The following GALNT13 variants were observed in gnomAD, a reference collection of about 807,000 sequenced individuals.
GALNT13 encodes UDP-GalNAc:polypeptide N-acetylgalactosaminyltransferase 13.
GALNT13 carries 28 observed loss-of-function variants against 64.2 expected under a neutral mutation model. That is an observed-to-expected ratio of 0.44 (90% CI 0.32 to 0.60). The LOEUF is 0.60. Ranked by LOEUF, GALNT13 falls within the 20% of genes least tolerant of loss-of-function variation. GALNT13 has a pLI of 0.05. For synonymous variants in GALNT13, 214 were observed against 224.6 expected, an observed-to-expected ratio of 0.95 and a Z score of 0.42; for missense variants, 577 against 669.8, an observed-to-expected ratio of 0.86 and a Z score of 1.53.
the GALNT13 span, among the ~76,000 whole-genome samples, chr2:153,599,686 C>G: frequency 2.6e-5 from 4 of 152,034 alleles, no homozygotes; most frequent in Admixed American, 6.6e-5. Flanking sequence ...CAAGAGACAC[C>G]TGGATATAAT....
At chr2:153,379,977 G>T in the GALNT13 span, among the ~76,000 whole-genome samples, 2 of 152,238 alleles carry the variant, frequency 1.3e-5, no homozygotes, top group South Asian at 2.1e-4. Context: ...TGTCCTGGAA[G>T]ATTGGAAAGT....
intron 4 of GALNT13, among the ~76,000 whole-genome samples, chr2:154,174,261 A>G (rs559651017): frequency 1.3e-5 from 2 of 152,254 alleles, no homozygotes; most frequent in African/African-American, 2.4e-5. Context: ...TGCTTAATCA[A>G]ATACTGGTAT....
At chr2:154,116,256 C>A (rs1364092962) in intron 3 of GALNT13, among the ~76,000 whole-genome samples, 1 of 152,162 alleles carries the variant, frequency 6.6e-6, no homozygotes, top group East Asian at 1.9e-4. Context: ...AGGGTCCTCC[C>A]ACACATCCTC....
intron 9 of GALNT13, among the ~76,000 whole-genome samples, chr2:154,379,610 TTAA>T (rs1244366370): frequency 6.6e-6 from 1 of 152,072 alleles, no homozygotes; most frequent in East Asian, 1.9e-4. Flanking sequence ...TACTGATGTT[TTAA>T]TAATTAATGA....
the GALNT13 span, among the ~76,000 whole-genome samples, chr2:153,205,328 A>G: frequency 6.6e-6 from 1 of 151,986 alleles, no homozygotes; most frequent in African/African-American, 2.4e-5. Context: ...GTTTTATCAC[A>G]ATGACATTTT....
the GALNT13 span, among the ~76,000 whole-genome samples, chr2:153,731,254 A>G: frequency 6.6e-6 from 1 of 152,038 alleles, no homozygotes; most frequent in South Asian, 2.1e-4. Context: ...AATAACTCAG[A>G]AAATCAAATA....
chr2:154,017,412 C>T (rs951785765), intron 3 of GALNT13, among the ~76,000 whole-genome samples: 3 of 152,098 alleles, frequency 2.0e-5, no homozygotes, highest in Non-Finnish European at 2.9e-5. Context: ...CCACTCTCTT[C>T]CTAAATAATT....
chr2:153,589,469 A>G, the GALNT13 span, among the ~76,000 whole-genome samples: 1 of 152,078 alleles, frequency 6.6e-6, no homozygotes, highest in Admixed American at 6.5e-5. Flanking sequence ...CCCAGTTCCA[A>G]TGTTGCTTCC....
At chr2:153,956,458 T>C (rs1692576302) in intron 3 of GALNT13, among the ~76,000 whole-genome samples, 1 of 152,218 alleles carries the variant, frequency 6.6e-6, no homozygotes, top group South Asian at 2.1e-4. Context: ...TTTTCAAGAC[T>C]TATGCAGATC....
At chr2:153,831,715 C>T in the GALNT13 span, among the ~76,000 whole-genome samples, 1 of 152,144 alleles carries the variant, frequency 6.6e-6, no homozygotes, top group African/African-American at 2.4e-5. Context: ...CTCTGTGTTT[C>T]TACAGTTCTC....
intron 10 of GALNT13, among the ~76,000 whole-genome samples, chr2:154,398,699 T>G (rs149473666): frequency 6.6e-6 from 1 of 152,306 alleles, no homozygotes; most frequent in African/African-American, 2.4e-5. Flanking sequence ...TGAGTGGCAT[T>G]AAGTATCCTC....
At chr2:153,343,311 T>C in the GALNT13 span, among the ~76,000 whole-genome samples, 1 of 152,180 alleles carries the variant, frequency 6.6e-6, no homozygotes, top group African/African-American at 2.4e-5. Flanking sequence ...TTATAAAACA[T>C]TCTTAACTAA....
chr2:153,187,907 C>T, the GALNT13 span, among the ~76,000 whole-genome samples: 3 of 151,822 alleles, frequency 2.0e-5, no homozygotes, highest in African/African-American at 7.3e-5. Flanking sequence ...AGGATTTATT[C>T]CAGGAATATA....
the GALNT13 span, among the ~76,000 whole-genome samples, chr2:153,408,414 G>A: frequency 6.6e-6 from 1 of 152,084 alleles, no homozygotes; most frequent in Non-Finnish European, 1.5e-5. Flanking sequence ...CAAAACCCAC[G>A]AAGAAGTATA....
chr2:153,515,079 G>T, the GALNT13 span, among the ~76,000 whole-genome samples: 1 of 152,046 alleles, frequency 6.6e-6, no homozygotes, highest in Non-Finnish European at 1.5e-5. Context: ...TGTTTTTCTG[G>T]TCCATCTCCA....
At chr2:153,387,759 C>T in the GALNT13 span, among the ~76,000 whole-genome samples, 1 of 151,956 alleles carries the variant, frequency 6.6e-6, no homozygotes, top group African/African-American at 2.4e-5. Context: ...TCCCTTTATC[C>T]ATGTGTACCA....
intron 9 of GALNT13, among the ~76,000 whole-genome samples, chr2:154,375,653 T>G (rs745617150): frequency 2.6e-5 from 4 of 152,020 alleles, no homozygotes; most frequent in Non-Finnish European, 5.9e-5. Context: ...CCCATTCTCA[T>G]TCACCTCATG....
chr2:153,510,436 C>T, the GALNT13 span, among the ~76,000 whole-genome samples: 1 of 152,088 alleles, frequency 6.6e-6, no homozygotes, highest in South Asian at 2.1e-4. Context: ...AGAGACCCTG[C>T]CCTTAAGAAG....
the GALNT13 span, among the ~76,000 whole-genome samples, chr2:153,656,876 G>A: frequency 8.6e-5 from 13 of 152,044 alleles, no homozygotes; most frequent in African/African-American, 2.7e-4. Flanking sequence ...AGGTTAAAGC[G>A]CTAAGGTGCA....
Sources: allele counts gnomAD v4.1 joint callset (sites outside exome capture counted in the v4.1 genomes callset), GRCh38; gene constraint gnomAD v4.1.1; transcripts MANE v1.5; gene names NCBI Gene and HGNC (gene_info 2026-07-23, HGNC 2026-07-21).